ADGRB3: variants seen among roughly 807,000 people sequenced by gnomAD.
The protein encoded by ADGRB3 is brain-specific angiogenesis inhibitor 3.
In ADGRB3, 37 loss-of-function variants were observed where a neutral mutation model predicts 193.4. The ratio of observed to expected loss-of-function variants is 0.19; its 90% CI spans 0.15 to 0.25. The LOEUF (loss-of-function observed/expected upper bound fraction) is 0.25. Ranked by LOEUF, ADGRB3 falls within the 10% of genes least tolerant of loss-of-function variation. ADGRB3 has a pLI of 1.00. For missense variants in ADGRB3, 1,637 were observed against 1,852.9 expected, an observed-to-expected ratio of 0.88 and a Z score of 2.14; for synonymous variants, 690 against 644.2, an observed-to-expected ratio of 1.07 and a Z score of -1.08.
chr6:69,203,453 T>G (rs1765474634), intron 17 of ADGRB3, among the ~76,000 whole-genome samples: 1 of 151,348 alleles, frequency 6.6e-6, no homozygotes, highest in Admixed American at 6.6e-5. Context: ...TTGTTTTTGT[T>G]TTTTTTTTCT....
At chr6:69,157,538 C>A (rs1308453880) in intron 17 of ADGRB3, among the ~76,000 whole-genome samples, 1 of 152,116 alleles carries the variant, frequency 6.6e-6, no homozygotes, top group East Asian at 1.9e-4. Context: ...CACATACATT[C>A]TATCCCAGAC....
intron 17 of ADGRB3, among the ~76,000 whole-genome samples, chr6:69,190,654 A>G (rs62406826): frequency 0.046 from 6,981 of 152,210 alleles, 223 homozygotes; most frequent in Non-Finnish European, 0.071. Flanking sequence ...TATAAAATCT[A>G]CAGTAGTATA....
chr6:69,027,113 T>A (rs1343466900), intron 13 of ADGRB3, among the ~76,000 whole-genome samples: 1 of 152,182 alleles, frequency 6.6e-6, no homozygotes, highest in Non-Finnish European at 1.5e-5. Flanking sequence ...TAATAATACA[T>A]TGCCTAAAGC....
intron 15 of ADGRB3, among the ~76,000 whole-genome samples, chr6:69,057,935 A>G (rs964965530): frequency 1.3e-5 from 2 of 151,896 alleles, no homozygotes; most frequent in African/African-American, 4.8e-5. Context: ...TTCAGTATCC[A>G]GGTAATACTG....
chr6:69,162,487 A>G (rs1206100270), intron 17 of ADGRB3, among the ~76,000 whole-genome samples: 1 of 152,152 alleles, frequency 6.6e-6, no homozygotes, highest in Non-Finnish European at 1.5e-5. Flanking sequence ...AATATATTTT[A>G]GACTTCGCCA....
At chr6:69,331,029 G>A (rs1254429903) in intron 23 of ADGRB3, among the ~76,000 whole-genome samples, 1 of 152,098 alleles carries the variant, frequency 6.6e-6, no homozygotes, top group Admixed American at 6.6e-5. Flanking sequence ...TGGATCATAT[G>A]TTTGTTTGTT....
At chr6:69,190,279 A>G (rs1372219561) in intron 17 of ADGRB3, among the ~76,000 whole-genome samples, 1 of 152,130 alleles carries the variant, frequency 6.6e-6, no homozygotes, top group Non-Finnish European at 1.5e-5. Flanking sequence ...CCTTCTAGTG[A>G]GACAAGCTGT....
chr6:68,775,700 C>A (rs978394312), intron 3 of ADGRB3, among the ~76,000 whole-genome samples: 7 of 152,108 alleles, frequency 4.6e-5, no homozygotes, highest in Non-Finnish European at 8.8e-5. Context: ...TGTTTTACGT[C>A]TCCTTTTATC....
At chr6:68,893,532 T>C (rs1367897122) in intron 3 of ADGRB3, among the ~76,000 whole-genome samples, 8 of 151,314 alleles carry the variant, frequency 5.3e-5, no homozygotes, top group Admixed American at 5.3e-4. Context: ...ACCAACTCTT[T>C]TTTTTTTTTT....
intron 3 of ADGRB3, among the ~76,000 whole-genome samples, chr6:68,865,834 C>T (rs959857593): frequency 6.6e-6 from 1 of 152,152 alleles, no homozygotes; most frequent in East Asian, 1.9e-4. Flanking sequence ...AAAACTATTA[C>T]CCAAGCAGAT....
chr6:68,831,564 T>A (rs1366501769), intron 3 of ADGRB3, among the ~76,000 whole-genome samples: 1 of 152,070 alleles, frequency 6.6e-6, no homozygotes, highest in Non-Finnish European at 1.5e-5. Context: ...GGGTAGTGAA[T>A]GAGAACTCTG....
intron 17 of ADGRB3, among the ~76,000 whole-genome samples, chr6:69,113,367 T>C (rs1320829543): frequency 6.6e-6 from 1 of 151,138 alleles, no homozygotes; most frequent in Admixed American, 6.6e-5. Context: ...GTATCATATA[T>C]ATGTATATGT....
chr6:68,943,796 C>T (rs775297010), intron 5 of ADGRB3, 34 bp from the exon 6 acceptor site: 33 of 1,532,876 alleles, frequency 2.2e-5, no homozygotes, highest in Admixed American at 8.8e-5. Context: ...TACTGCTCTG[C>T]TTTTGTTGTT....
chr6:69,202,472 G>A (rs976064771), intron 17 of ADGRB3, among the ~76,000 whole-genome samples: 39 of 151,940 alleles, frequency 2.6e-4, no homozygotes, highest in Admixed American at 2.0e-3. Flanking sequence ...AGAGAGAGAC[G>A]GAGAGAGAGA....
At chr6:69,248,088 A>G (rs1456459212) in intron 20 of ADGRB3, among the ~76,000 whole-genome samples, 1 of 152,208 alleles carries the variant, frequency 6.6e-6, no homozygotes, top group African/African-American at 2.4e-5. Flanking sequence ...TCTCACAGAA[A>G]GGTTAAAGAA....
At chr6:69,149,360 T>A (rs1361581595) in intron 17 of ADGRB3, among the ~76,000 whole-genome samples, 1 of 151,956 alleles carries the variant, frequency 6.6e-6, no homozygotes, top group African/African-American at 2.4e-5. Flanking sequence ...TCAGTTGCAT[T>A]TTTCAGCTCG....
At chr6:69,116,898 C>A (rs1357827541) in intron 17 of ADGRB3, among the ~76,000 whole-genome samples, 1 of 152,200 alleles carries the variant, frequency 6.6e-6, no homozygotes, top group Non-Finnish European at 1.5e-5. Context: ...GGGGACTCAG[C>A]ACTGCAAGCC....
At chr6:68,827,330 A>G (rs1767863696) in intron 3 of ADGRB3, among the ~76,000 whole-genome samples, 2 of 152,182 alleles carry the variant, frequency 1.3e-5, no homozygotes, top group Non-Finnish European at 1.5e-5. Context: ...GAAAGGCTCA[A>G]TGGAGTAGGT....
chr6:69,005,575 G>A (rs544428182), intron 11 of ADGRB3, among the ~76,000 whole-genome samples: 1 of 152,186 alleles, frequency 6.6e-6, no homozygotes, highest in South Asian at 2.1e-4. Flanking sequence ...TTGTGACCAC[G>A]TGACTATTAC....
Sources: gnomAD v4.1 joint callset for allele counts (sites outside exome capture counted in the v4.1 genomes callset) on GRCh38, gnomAD v4.1.1 for gene constraint, MANE v1.5 for transcripts, NCBI Gene and HGNC (gene_info 2026-07-23, HGNC 2026-07-21) for gene names.